USP37: variants seen among roughly 807,000 people sequenced by gnomAD.
The protein encoded by USP37 is ubiquitin carboxyl-terminal hydrolase 37.
Under a neutral mutation model 124.0 loss-of-function variants are expected in USP37, and 27 were observed. The observed-to-expected ratio is 0.22, with a 90% CI of 0.16 to 0.30. The LOEUF is 0.30. USP37 is among the 10% of genes least tolerant of loss of function. The pLI is 1.00. For missense variants in USP37, 889 were observed against 1,140.4 expected (o/e 0.78, Z 3.17); for synonymous variants, 365 against 388.0 (o/e 0.94, Z 0.70).
intron 4 of USP37, among the ~76,000 whole-genome samples, chr2:218,556,250 T>C (rs1421447243): frequency 6.6e-6 from 1 of 152,180 alleles, no homozygotes; most frequent in Non-Finnish European, 1.5e-5. Context: ...TGATTCACAT[T>C]TCATGTATTT....
intron 10 of USP37, chr2:218,528,946 T>C (rs1691145314): frequency 2.5e-6 from 1 of 402,672 alleles, no homozygotes; most frequent in South Asian, 1.2e-4. Flanking sequence ...TTAAGGGAAA[T>C]TCCTAAATAT....
At chr2:218,561,978 C>T (rs1463133311) in intron 2 of USP37, among the ~76,000 whole-genome samples, 1 of 152,172 alleles carries the variant, frequency 6.6e-6, no homozygotes, top group East Asian at 1.9e-4. Flanking sequence ...CCCCAACCCT[C>T]CTTAATTTCT....
intron 10 of USP37, among the ~76,000 whole-genome samples, chr2:218,519,426 A>C (rs1222540065): frequency 6.6e-6 from 1 of 152,162 alleles, no homozygotes; most frequent in Non-Finnish European, 1.5e-5. Flanking sequence ...CCTTCAGTAC[A>C]CACTGAAATA....
rs910702527 is a variant in USP37 at position 218,452,142 on chromosome 2, A to T, written c.*2788T>A. The T allele has an allele frequency of 7.9e-5, 12 of 152,260 alleles. No homozygotes were observed. Among genetic ancestry groups the T allele is most frequent in the African/African-American group, 2.9e-4 (12 of 41,448 alleles). The allele number at this position is 152,260 out of a possible 1,614,324, so 9.4% of individuals were successfully genotyped here. A position where few individuals can be genotyped will look rare whatever the true frequency, so the allele number is the denominator to read the frequency against. ...TCATTTTTCCCTTAAAATTCCAACA[A>T]AGATCAAAAGGTTGTATCTAGAACT... On this transcript the variant is annotated 3_prime_UTR_variant, in exon 26 of 26. Transcript: ENST00000258399.
At chr2:218,530,391 C>T (rs1210776845) in intron 9 of USP37, among the ~76,000 whole-genome samples, 5 of 152,114 alleles carry the variant, frequency 3.3e-5, no homozygotes, top group African/African-American at 2.4e-5. Flanking sequence ...CAGTGATCTG[C>T]GATCAGTGAT....
At chr2:218,538,295 G>C (rs1691769757) in intron 8 of USP37, among the ~76,000 whole-genome samples, 2 of 152,184 alleles carry the variant, frequency 1.3e-5, no homozygotes, top group South Asian at 2.1e-4. Context: ...TGTATGGAGA[G>C]AGAAGTGGGT....
At chr2:218,502,129 A>C (rs1233658097) in intron 11 of USP37, among the ~76,000 whole-genome samples, 1 of 152,184 alleles carries the variant, frequency 6.6e-6, no homozygotes, top group East Asian at 1.9e-4. Flanking sequence ...AAGAAAAAAA[A>C]CAGAAATGAA....
In USP37 at chr2:218,451,662, GGTTTTAAATTTTAAAGCCTCT is replaced by G. The variant is rs1166259590; in HGVS notation, c.*3247_*3267del. 1 of 152,034 alleles carries G rather than the reference GGTTTTAAATTTTAAAGCCTCT, an allele frequency of 6.6e-6. No homozygotes were observed. The highest frequency in any genetic ancestry group is 6.6e-5 in the Admixed American group (1 of 15,248). The allele number at this position is 152,034 out of a possible 1,614,324, so 9.4% of individuals were successfully genotyped here. On this transcript the variant is annotated 3_prime_UTR_variant, in exon 26 of 26. Coordinates refer to ENST00000258399, the MANE Select transcript of USP37 (RefSeq NM_020935.3). ...GTAAATTCATGGATTATTTTGCTGA[GGTTTTAAATTTTAAAGCCTCT>G]GTTTCAGAATTTTATACTTGATCAA...
At chr2:218,540,557 G>C (rs1410055620) in intron 8 of USP37, among the ~76,000 whole-genome samples, 1 of 152,156 alleles carries the variant, frequency 6.6e-6, no homozygotes, top group African/African-American at 2.4e-5. Flanking sequence ...AGGCTTGACT[G>C]CTTAAGCCCA....
At chr2:218,563,317 T>C (rs527437229) in intron 1 of USP37, among the ~76,000 whole-genome samples, 2 of 152,230 alleles carry the variant, frequency 1.3e-5, no homozygotes, top group African/African-American at 2.4e-5. Flanking sequence ...TAGGAACTTA[T>C]CTGCTGTGCA....
rs1261675112 is a variant in USP37 at position 218,453,870 on chromosome 2, TA to T, written c.*1059del. ...CAAGTACTTAATTTCATACTTGCAA[TA>T]GGGCTTTTAGCTTCAGTGGTCCAGA... On this transcript the variant is annotated 3_prime_UTR_variant, in exon 26 of 26. Transcript: ENST00000258399. The T allele has an allele frequency of 6.6e-6, 1 of 152,184 alleles. No individual in the cohort carries two copies. The highest frequency in any genetic ancestry group is 6.6e-5 in the Admixed American group (1 of 15,252). The allele number at this position is 152,184 out of a possible 1,614,324, so 9.4% of individuals were successfully genotyped here.
intron 10 of USP37, among the ~76,000 whole-genome samples, chr2:218,527,692 T>C (rs1204554390): frequency 1.3e-5 from 2 of 152,214 alleles, no homozygotes; most frequent in African/African-American, 4.8e-5. Context: ...TGTAGGCTTT[T>C]TTAAAACTTA....
intron 15 of USP37, among the ~76,000 whole-genome samples, chr2:218,488,048 G>A (rs1000272831): frequency 6.6e-6 from 1 of 151,424 alleles, no homozygotes; most frequent in African/African-American, 2.4e-5. Flanking sequence ...CACCAGACAT[G>A]GTGGCATGAT....
chr2:218,567,980 T>A (rs1428820114), intron 1 of USP37, among the ~76,000 whole-genome samples, 198 bp downstream of exon 1: 1 of 151,680 alleles, frequency 6.6e-6, no homozygotes, highest in African/African-American at 2.4e-5. Context: ...GGAGACCAAG[T>A]CAAAGGAGAG....
At chr2:218,544,182 C>G (rs910980154) in intron 8 of USP37, among the ~76,000 whole-genome samples, 64 of 151,724 alleles carry the variant, frequency 4.2e-4, no homozygotes, top group Non-Finnish European at 6.0e-4. Context: ...GAGTTCCAGA[C>G]CAGCCTGGAC....
chr2:218,494,208 G>C (rs2105986831), intron 14 of USP37, among the ~76,000 whole-genome samples: 1 of 152,310 alleles, frequency 6.6e-6, no homozygotes, highest in African/African-American at 2.4e-5. Flanking sequence ...AAAAATGCTA[G>C]AATGTTATAG....
At chr2:218,480,017 G>A (rs1574859431) in intron 17 of USP37, among the ~76,000 whole-genome samples, 1 of 151,772 alleles carries the variant, frequency 6.6e-6, no homozygotes, top group East Asian at 1.9e-4. Flanking sequence ...TTGGCGGCGG[G>A]TGCTTGTAAT....
At chr2:218,491,072 C>T (rs1691913632) in intron 14 of USP37, among the ~76,000 whole-genome samples, 1 of 152,128 alleles carries the variant, frequency 6.6e-6, no homozygotes, top group Non-Finnish European at 1.5e-5. Flanking sequence ...GAGGGTATCG[C>T]TATGTTGTCA....
intron 16 of USP37, among the ~76,000 whole-genome samples, 168 bp from the exon 17 acceptor site, chr2:218,482,402 T>C (rs536141863): frequency 2.8e-4 from 43 of 152,310 alleles, no homozygotes; most frequent in African/African-American, 9.4e-4. Flanking sequence ...GTGCCAGGCA[T>C]TGGGCTAGGT....
Sources: gnomAD v4.1 joint callset for allele counts (sites outside exome capture counted in the v4.1 genomes callset) on GRCh38, gnomAD v4.1.1 for gene constraint, MANE v1.5 for transcripts, NCBI Gene and HGNC (gene_info 2026-07-23, HGNC 2026-07-21) for gene names.